The following GRIP2 variants were observed in gnomAD, a reference collection of about 807,000 sequenced individuals.
The protein encoded by GRIP2 is glutamate receptor interacting protein 2.
A neutral mutation model predicts 108.3 loss-of-function variants in GRIP2; 58 were observed. That is an observed-to-expected ratio of 0.54 (90% CI 0.43 to 0.67). The LOEUF (loss-of-function observed/expected upper bound fraction) is 0.67, where lower values mean the gene tolerates loss of function less well. Ranked by LOEUF, GRIP2 falls within the 30% of genes least tolerant of loss-of-function variation. The pLI is 0.00. For synonymous variants in GRIP2, 586 were observed against 598.2 expected (o/e 0.98, Z 0.30); for missense variants, 1,278 against 1,430.6 (o/e 0.89, Z 1.72).
chr3:14,601,825 G>A, the GRIP2 span, among the ~76,000 whole-genome samples: 7 of 152,190 alleles, frequency 4.6e-5, no homozygotes, highest in African/African-American at 1.7e-4. Context: ...GACTGAGAGA[G>A]GCCCAACCTG....
At chr3:14,594,411 G>A in the GRIP2 span, among the ~76,000 whole-genome samples, 3 of 151,960 alleles carry the variant, frequency 2.0e-5, no homozygotes, top group Non-Finnish European at 4.4e-5. Context: ...CTGCCACACC[G>A]AGGGCAGAGG....
intron 1 of GRIP2, among the ~76,000 whole-genome samples, chr3:14,551,385 G>A (rs571873270): frequency 2.0e-4 from 31 of 152,352 alleles, no homozygotes; most frequent in Non-Finnish European, 4.0e-4. Context: ...GGCATTCAGG[G>A]AGGAGCCTGG....
At chr3:14,572,135 G>C in the GRIP2 span, among the ~76,000 whole-genome samples, 2 of 152,126 alleles carry the variant, frequency 1.3e-5, no homozygotes, top group Admixed American at 1.3e-4. Flanking sequence ...CGGTACCGGA[G>C]GCATGTTTAG....
In GRIP2 at chr3:14,512,879, C is replaced by A. The variant is rs192862149; in HGVS notation, c.1640-22G>T. ...GACTCTGGGGGTAGATGGACATAAACCGACGTGAGGACCCAGAGGAGGAGC... is the reference window on the plus strand; with the variant it reads ...GACTCTGGGGGTAGATGGACATAAAACGACGTGAGGACCCAGAGGAGGAGC... On this transcript the variant is annotated intron_variant, in intron 13 of 23. Transcript: ENST00000621039. The surrounding 1 kb of genome is among the most constrained non-coding windows in gnomAD (Gnocchi z 5.1). The A allele has an allele frequency of 3.9e-4, 622 of 1,611,420 alleles. 2 individuals are homozygous for A. The African/African-American group carries it at 6.7e-3, about 17-fold the overall frequency.
At chr3:14,567,793 G>A in the GRIP2 span, among the ~76,000 whole-genome samples, 1 of 152,226 alleles carries the variant, frequency 6.6e-6, no homozygotes, top group Non-Finnish European at 1.5e-5. Flanking sequence ...TACGTTCTAC[G>A]CAGAGAGACA....
Position 14,512,807 on chromosome 3 carries a change from G to T in GRIP2, c.1690C>A (p.Arg564Ser). Residue 564 changes from arginine (R) to serine (S), a missense_variant, in exon 14 of 24, where the codon CGC (arginine) becomes AGC (serine). Physicochemically the swap from Arg to Ser is moderately radical, Grantham distance 110. Coordinates refer to ENST00000621039, the MANE Select transcript of GRIP2 (RefSeq NM_001080423.4). The surrounding 1 kb of genome is among the most constrained non-coding windows in gnomAD (Gnocchi z 5.1). Reference sequence around the variant, plus strand: ...ATGGTGATGCCCAGCTCCACGCTGCGCTTCTTGGGCAGCTTCACGTGGAAG... The same window carrying T: ...ATGGTGATGCCCAGCTCCACGCTGCTCTTCTTGGGCAGCTTCACGTGGAAG... ...GTFHVKLPKK[R>S]SVELGITISS... The T allele has an allele frequency of 6.2e-7, 1 of 1,613,672 alleles. No homozygotes were observed. The highest frequency in any genetic ancestry group is 2.2e-5 in the East Asian group (1 of 44,876).
rs760324549 is a variant in GRIP2, at chr3:14,525,520, C to T, written c.174G>A (p.Thr58=). Residue 58 remains threonine, a synonymous_variant, in exon 3 of 24, where the codon ACG becomes ACA. Transcript: ENST00000621039. The part of the protein sequence containing the change: ...VVELIKKEGS[T]LGLTISGGTD... ...TGCCACCTGAGATAGTCAGGCCCAG[C>T]GTGCTGCCTTCTTTCTTGATCAGCT... 1.5e-5 allele frequency: 25 copies of T among 1,613,712 alleles called. No homozygotes were observed. The highest frequency in any genetic ancestry group is 8.0e-5 in the African/African-American group (6 of 74,912).
At chr3:14,493,974 T>A in intron 23 of GRIP2, 148 bp from the exon 24 acceptor site, 1 of 721,386 alleles carries the variant, frequency 1.4e-6, no homozygotes, top group Non-Finnish European at 2.2e-6. Flanking sequence ...CAGAGGAACA[T>A]TCTTCCTCTA....
intron 1 of GRIP2, among the ~76,000 whole-genome samples, chr3:14,533,759 TA>T (rs2124947204): frequency 6.6e-6 from 1 of 152,298 alleles, no homozygotes; most frequent in South Asian, 2.1e-4. Context: ...AGTGACAGCT[TA>T]GGGACAGCGG....
the GRIP2 span, chr3:14,572,904 A>C: frequency 3.1e-6 from 4 of 1,277,654 alleles, no homozygotes; most frequent in Admixed American, 3.4e-5. Flanking sequence ...AGTGAAGGGG[A>C]TGCAGGTGAG....
chr3:14,558,959 G>A (rs138152391), upstream of GRIP2, among the ~76,000 whole-genome samples: 328 of 152,280 alleles, frequency 2.2e-3, no homozygotes, highest in African/African-American at 4.0e-3. Flanking sequence ...GGGGAGCTCC[G>A]AGGGCAGGGT....
chr3:14,573,955 A>G, the GRIP2 span: 1 of 1,087,050 alleles, frequency 9.2e-7, no homozygotes, highest in Non-Finnish European at 1.4e-6. Flanking sequence ...GCGCGAATGA[A>G]GCTGTGCACC....
rs752149549 is a variant in GRIP2, at chr3:14,511,286, G to A, written c.1812C>T (p.Asp604=). ...AHRTGTLEPG[D]KLLAIDNIRL... is the part of the protein sequence containing the mutation. ...GGATATTGTCAATGGCCAGTAGCTT[G>A]TCGCCTGGCTCCAGGGTGCCCGTCC... is the stretch of plus-strand genomic sequence containing the variant. The change falls in exon 16 of 24, where the codon GAC becomes GAT. Residue 604 remains aspartate, a synonymous_variant. Transcript: ENST00000621039. This position sits in a 1 kb window ranked among gnomAD's most constrained non-coding sequence, Gnocchi z 4.1. 3.7e-6 allele frequency: 6 copies of A among 1,613,918 alleles called. No individual in the cohort carries two copies. The South Asian group carries it at 6.6e-5, about 18-fold the overall frequency.
chr3:14,509,697 A>G, intron 17 of GRIP2, 123 bp downstream of exon 17: 1 of 1,027,986 alleles, frequency 9.7e-7, no homozygotes, highest in Non-Finnish European at 1.3e-6. Flanking sequence ...GACTGGCCCA[A>G]TGTCACCCAC....
chr3:14,515,519 G>A (rs1378477583), intron 11 of GRIP2, among the ~76,000 whole-genome samples: 1 of 151,218 alleles, frequency 6.6e-6, no homozygotes, highest in Non-Finnish European at 1.5e-5. Context: ...AAATTTATTT[G>A]GTATTTCATT....
In GRIP2 at chr3:14,511,254, T is replaced by C. The variant is rs891554246; in HGVS notation, c.1844A>G (p.Asp615Gly). The change falls in exon 16 of 24, where the codon GAC becomes GGC. Residue 615 changes from aspartate (D) to glycine (G), a missense_variant. Coordinates refer to ENST00000621039, the MANE Select transcript of GRIP2 (RefSeq NM_001080423.4). The surrounding 1 kb of genome is among the most constrained non-coding windows in gnomAD (Gnocchi z 4.1). Reference protein sequence around the residue: ...KLLAIDNIRLDNCPMEDAVQI... With the variant: ...KLLAIDNIRLGNCPMEDAVQI... ...CACGGCGTCCTCCATGGGGCAGTTG[T>C]CCAGGCGGATATTGTCAATGGCCAG... is the stretch of plus-strand genomic sequence containing the variant. 3.1e-6 allele frequency: 5 copies of C among 1,613,904 alleles called. No homozygotes were observed. The African/African-American group carries it at 6.7e-5, about 22-fold the overall frequency.
chr3:14,548,553 C>T (rs1411819459), intron 1 of GRIP2, among the ~76,000 whole-genome samples: 1 of 152,176 alleles, frequency 6.6e-6, no homozygotes, highest in Non-Finnish European at 1.5e-5. Context: ...GGCTTTGGTG[C>T]CAGCGTCAGC....
intron 1 of GRIP2, among the ~76,000 whole-genome samples, chr3:14,536,445 A>G (rs925413524): frequency 1.3e-5 from 2 of 152,174 alleles, no homozygotes; most frequent in African/African-American, 4.8e-5. Flanking sequence ...CAGACCCCAA[A>G]TGAGAAGCAT....
chr3:14,509,701 C>CATG, intron 17 of GRIP2, 119 bp downstream of exon 17: 1 of 1,061,100 alleles, frequency 9.4e-7, no homozygotes, highest in Non-Finnish European at 1.3e-6. Flanking sequence ...GGCCCAATGT[C>CATG]ACCCACAGTG....
Sources: allele counts gnomAD v4.1 joint callset (sites outside exome capture counted in the v4.1 genomes callset), GRCh38; gene constraint gnomAD v4.1.1; non-coding constraint Gnocchi (gnomAD v3.1); transcripts MANE v1.5; gene names NCBI Gene and HGNC (gene_info 2026-07-23, HGNC 2026-07-21).